The following GABRR1 variants were observed in gnomAD, a reference collection of about 807,000 sequenced individuals.
GABRR1 encodes gamma-aminobutyric acid type A receptor subunit rho1, also known as gamma-aminobutyric acid receptor subunit rho-1.
A neutral mutation model predicts 55.5 loss-of-function variants in GABRR1; 59 were observed. That is an observed-to-expected ratio of 1.06 (90% confidence interval 0.86 to 1.32). The LOEUF (loss-of-function observed/expected upper bound fraction) is 1.32. Ranked by LOEUF, GABRR1 falls within the 40% of genes most tolerant of loss-of-function variation. The probability of loss-of-function intolerance (pLI) is 0.00; values close to 1 mark genes in which losing one functional copy is unlikely to be tolerated. For missense variants in GABRR1, 602 were observed against 619.1 expected (o/e 0.97, Z 0.29); for synonymous variants, 213 against 226.0 (o/e 0.94, Z 0.51).
At chr6:89,221,279 T>C (rs1381897288), upstream of GABRR1, 1 of 152,310 alleles carries the variant, frequency 6.6e-6, no homozygotes, top group Non-Finnish European at 1.5e-5. Context: ...ACTCACTGAC[T>C]GATGGGTGAA....
intron 4 of GABRR1, among the ~76,000 whole-genome samples, chr6:89,198,826 C>A (rs1294355325): frequency 6.6e-6 from 1 of 152,160 alleles, no homozygotes; most frequent in Non-Finnish European, 1.5e-5. Flanking sequence ...AGGATCACTT[C>A]CCAAATAAAG....
At chr6:89,214,380 C>A (rs531090298) in intron 1 of GABRR1, among the ~76,000 whole-genome samples, 2 of 150,748 alleles carry the variant, frequency 1.3e-5, no homozygotes, top group Non-Finnish European at 3.0e-5. Context: ...GCTTGGGCAA[C>A]AAAAGCAAAT....
At chr6:89,215,633 T>C (rs1772958856) in intron 1 of GABRR1, among the ~76,000 whole-genome samples, 1 of 152,142 alleles carries the variant, frequency 6.6e-6, no homozygotes, top group Non-Finnish European at 1.5e-5. Context: ...CAGTTAAAAA[T>C]AGTGTATTAT....
At chr6:89,216,073 G>C (rs1012345811) in intron 1 of GABRR1, among the ~76,000 whole-genome samples, 1 of 152,158 alleles carries the variant, frequency 6.6e-6, no homozygotes, top group African/African-American at 2.4e-5. Context: ...ATGGTAATAG[G>C]GCACAGTGGC....
At chr6:89,217,141 T>C (rs927743715) in intron 1 of GABRR1, 60 bp downstream of exon 1, 1 of 1,580,750 alleles carries the variant, frequency 6.3e-7, no homozygotes, top group East Asian at 2.3e-5. Flanking sequence ...AGAAGAACAC[T>C]GTAAGCTCAC....
At position 89,185,545 on chromosome 6, in the gene GABRR1, GA is replaced by G. The variant is rs1166496961; in HGVS notation, c.656-96del. ...AAGCTGTGTCCTGACCTCCCACACT[GA>G]CTACTGGGATTGTGATATGATAGTT... On this transcript the variant is annotated intron_variant, in intron 6 of 9. Transcript: ENST00000454853. 4.9e-6 allele frequency: 5 copies of G among 1,015,740 alleles called. No individual in the cohort carries two copies. The African/African-American group carries it at 7.8e-5, about 16-fold the overall frequency. 62.9% of individuals were successfully genotyped at this position (1,015,740 alleles called of 1,614,324 possible).
chr6:89,181,556 C>A (rs1029429718), intron 8 of GABRR1, among the ~76,000 whole-genome samples: 4 of 152,124 alleles, frequency 2.6e-5, no homozygotes, highest in African/African-American at 9.7e-5. Flanking sequence ...GATTCTATCA[C>A]AAAGACCCCT....
intron 7 of GABRR1, among the ~76,000 whole-genome samples, chr6:89,184,548 A>G (rs1771833940): frequency 6.6e-6 from 1 of 152,200 alleles, no homozygotes; most frequent in African/African-American, 2.4e-5. Flanking sequence ...CTGTGCAAGC[A>G]GCATAGCAAG....
chr6:89,193,855 T>C (rs1441896132), intron 5 of GABRR1, among the ~76,000 whole-genome samples: 4 of 151,554 alleles, frequency 2.6e-5, no homozygotes, highest in Admixed American at 2.0e-4. Context: ...CACAGAGAAG[T>C]AGAAAAACTG....
chr6:89,189,541 T>C (rs1182068335), intron 6 of GABRR1, among the ~76,000 whole-genome samples: 3 of 133,542 alleles, frequency 2.2e-5, no homozygotes, highest in Non-Finnish European at 3.2e-5. Context: ...GGGATAGCAT[T>C]GGGAGATATA....
chr6:89,224,140 A>G (rs1582412786), intron 1 of GABRR1, among the ~76,000 whole-genome samples: 1 of 151,844 alleles, frequency 6.6e-6, no homozygotes, highest in Non-Finnish European at 1.5e-5. Flanking sequence ...CACAGGCTGG[A>G]GTGCAGTGGC....
intron 1 of GABRR1, chr6:89,205,712 ATAAGTT>A (rs1399142637): frequency 9.2e-5 from 14 of 152,342 alleles, no homozygotes; most frequent in African/African-American, 3.4e-4. Context: ...CGAGCATCTG[ATAAGTT>A]ACACTTCACC....
chr6:89,194,294 C>T (rs755326625), intron 5 of GABRR1, among the ~76,000 whole-genome samples: 21 of 152,276 alleles, frequency 1.4e-4, no homozygotes, highest in Middle Eastern at 3.4e-3. Context: ...GGACCTCCCC[C>T]ATTCGGGACT....
chr6:89,202,665 T>A (rs1037665667), intron 2 of GABRR1, among the ~76,000 whole-genome samples: 3 of 151,902 alleles, frequency 2.0e-5, no homozygotes, highest in African/African-American at 7.3e-5. Flanking sequence ...AGACATATAT[T>A]CTTAGTTATC....
chr6:89,186,054 C>T (rs925519242), intron 6 of GABRR1, among the ~76,000 whole-genome samples: 3 of 152,230 alleles, frequency 2.0e-5, no homozygotes, highest in Non-Finnish European at 2.9e-5. Context: ...CCTTCCCTCA[C>T]CTGCTTCTGG....
chr6:89,195,992 T>C (rs1772261151), intron 5 of GABRR1, among the ~76,000 whole-genome samples: 1 of 152,216 alleles, frequency 6.6e-6, no homozygotes, highest in East Asian at 1.9e-4. Context: ...ATCATTACAT[T>C]GTGAGTAGTA....
chr6:89,199,371 C>T lies in GABRR1; in HGVS notation c.339G>A (p.Glu113=). ...VQVESLDSIS[E]VDMDFTMTLY... ...TCAGAGAAGCACTTACCATGTCAAC[C>T]TCTGAGATGCTATCCAAACTCTCCA... The change falls in exon 4 of 10, where the codon GAG becomes GAA. Residue 113 remains glutamate, a synonymous_variant. Transcript: ENST00000454853. 4 of 1,613,978 alleles carry T rather than the reference C, an allele frequency of 2.5e-6. No homozygotes were observed. The highest frequency in any genetic ancestry group is 1.3e-5 in the African/African-American group (1 of 75,038).
chr6:89,197,794 T>C (rs1772348009), intron 5 of GABRR1, among the ~76,000 whole-genome samples: 2 of 152,224 alleles, frequency 1.3e-5, no homozygotes, highest in African/African-American at 4.8e-5. Context: ...TATTGAAATA[T>C]AACACATAGA....
chr6:89,201,099 T>C, intron 3 of GABRR1, 60 bp downstream of exon 3: 1 of 1,305,322 alleles, frequency 7.7e-7, no homozygotes, highest in Admixed American at 1.7e-5. Context: ...TTGGCTAATT[T>C]CCTGCCCACA....
Sources: gnomAD v4.1 joint callset for allele counts (sites outside exome capture counted in the v4.1 genomes callset) on GRCh38, gnomAD v4.1.1 for gene constraint, MANE v1.5 for transcripts, NCBI Gene and HGNC (gene_info 2026-07-23, HGNC 2026-07-21) for gene names.